TRIM41: variants seen among roughly 807,000 people sequenced by gnomAD.
The protein encoded by TRIM41 is tripartite motif containing 41.
TRIM41 carries 21 observed loss-of-function variants against 60.6 expected under a neutral mutation model. That is an observed-to-expected ratio of 0.35 (90% CI 0.25 to 0.50). TRIM41 has a LOEUF of 0.50. Ranked by LOEUF, TRIM41 falls within the 20% of genes least tolerant of loss-of-function variation. The pLI is 0.98. For synonymous variants in TRIM41, 407 were observed against 344.9 expected, an observed-to-expected ratio of 1.18 and a Z score of -2.00; for missense variants, 846 against 868.3, an observed-to-expected ratio of 0.97 and a Z score of 0.32.
chr5:181,235,403 G>C lies in TRIM41; in HGVS notation c.*628G>C. 1 of 1,614,190 alleles carries C rather than the reference G, an allele frequency of 6.2e-7. No individual in the cohort carries two copies. Among genetic ancestry groups the C allele is most frequent in the Non-Finnish European group, 8.5e-7 (1 of 1,180,024 alleles). On this transcript the variant is annotated 3_prime_UTR_variant, in exon 6 of 6. Coordinates refer to ENST00000315073, the MANE Select transcript of TRIM41 (RefSeq NM_033549.5). ...GAGAGAGATCTGGAATGGTCGCCAT[G>C]ATTGAAACCACGCACCATTACATCA...
In TRIM41 at chr5:181,235,376, T is replaced by TAG; in HGVS notation, c.*601_*602insAG. The TAG allele has an allele frequency of 6.2e-7, 1 of 1,614,216 alleles. No homozygotes were observed. The highest frequency in any genetic ancestry group is 2.2e-5 in the East Asian group (1 of 44,890). ...TAGACCGGCCAGAATTTAGCTTCAC[T>TAG]TGAGAGAGATCTGGAATGGTCGCCA... On this transcript the variant is annotated 3_prime_UTR_variant, in exon 6 of 6. Transcript: ENST00000315073.
rs1758419417 is a variant in TRIM41 at position 181,224,053 on chromosome 5, G to T, written c.54G>T (p.Ala18=). 2.5e-6 allele frequency: 4 copies of T among 1,614,116 alleles called. No homozygotes were observed. The highest frequency in any genetic ancestry group is 3.4e-6 in the Non-Finnish European group (4 of 1,180,056). The change falls in exon 1 of 6, where the codon GCG becomes GCT. Residue 18 remains alanine (A), a synonymous_variant. Transcript: ENST00000315073. ...CTGTGCAGACCCTTCAGGAGGAGGC[G>T]GTGTGCGCCATCTGCCTCGATTACT... is the stretch of plus-strand genomic sequence containing the variant. ...PNPVQTLQEE[A]VCAICLDYFT... is the part of the protein sequence containing the mutation.
At chr5:181,228,891 A>C (rs1433444829) in intron 1 of TRIM41, 1 of 142,404 alleles carries the variant, frequency 7.0e-6, no homozygotes, top group Non-Finnish European at 1.5e-5. Context: ...CCGAGATGGC[A>C]CTGCTGCACT....
Position 181,233,864 on chromosome 5 carries a change from G to A in TRIM41, c.1291+101G>A. The A allele has an allele frequency of 6.5e-7, 1 of 1,545,062 alleles. No homozygotes were observed. The highest frequency in any genetic ancestry group is 1.2e-5 in the South Asian group (1 of 84,700). On this transcript the variant is annotated intron_variant, in intron 5 of 5. Coordinates refer to ENST00000315073, the MANE Select transcript of TRIM41 (RefSeq NM_033549.5). The surrounding 1 kb of genome is among the most constrained non-coding windows in gnomAD (Gnocchi z 4.1). ...GCCCCAGGGAAACTGTGGGGCTTGAGATGGAGCAGGATCCAGGCAGCCACT... is the reference window on the plus strand; with the variant it reads ...GCCCCAGGGAAACTGTGGGGCTTGAAATGGAGCAGGATCCAGGCAGCCACT...
In TRIM41 at chr5:181,223,344, G is replaced by C. The variant is rs1333700490; in HGVS notation, c.-656G>C. ...GGCTGTGCCGGGAGGGTAGGATGGC[G>C]TCTGGCCGATGCGGTGATAGCACCG... On this transcript the variant is annotated 5_prime_UTR_variant, in exon 1 of 6. Coordinates refer to ENST00000315073, the MANE Select transcript of TRIM41 (RefSeq NM_033549.5). 1 of 399,648 alleles carries C rather than the reference G, an allele frequency of 2.5e-6. No homozygotes were observed. Among genetic ancestry groups the C allele is most frequent in the East Asian group, 3.6e-5 (1 of 28,102 alleles). The allele number at this position is 399,648 out of a possible 1,614,324, so 24.8% of individuals were successfully genotyped here.
chr5:181,231,227 A>G (rs1005078822), intron 2 of TRIM41: 1 of 259,772 alleles, frequency 3.8e-6, no homozygotes, highest in Admixed American at 4.6e-5. Flanking sequence ...TGAGGCGGAC[A>G]CTGTCCTGGG....
Position 181,234,780 on chromosome 5 carries a change from C to T in TRIM41, c.*5C>T, listed in dbSNP as rs747183653. The T allele has an allele frequency of 5.0e-6, 8 of 1,608,240 alleles. No individual in the cohort carries two copies. The highest frequency in any genetic ancestry group is 1.1e-5 in the South Asian group (1 of 90,736). On this transcript the variant is annotated 3_prime_UTR_variant, in exon 6 of 6. Coordinates refer to ENST00000315073, the MANE Select transcript of TRIM41 (RefSeq NM_033549.5). The surrounding 1 kb of genome is among the most constrained non-coding windows in gnomAD (Gnocchi z 5.6). The stretch of plus-strand genomic sequence containing the variant: ...CGCATCAAGCTCTGCCCTTGATTAT[C>T]CTGCCACCCGCAGGGGCCCCTCTGT...
At chr5:181,228,161 G>T (rs1278147831) in intron 1 of TRIM41, 2 of 149,446 alleles carry the variant, frequency 1.3e-5, no homozygotes, top group African/African-American at 2.5e-5. Flanking sequence ...TGAACCCGGG[G>T]GCGGTGGAGC....
Position 181,234,460 on chromosome 5 carries a change from C to G in TRIM41, c.1578C>G (p.Ser526Arg), listed in dbSNP as rs1230273557. ...CCTCCGTGGGCAGCGGGGATGCCAG[C>G]TCCTCGCGCCATCACCATCGCCGCC... is the stretch of plus-strand genomic sequence containing the variant. ...GGSSVGSGDA[S>R]SSRHHHRRRR... Residue 526 changes from serine (S) to arginine (R), a missense_variant, in exon 6 of 6, where the codon AGC becomes AGG. By Grantham distance (110) the Ser-to-Arg change is moderately radical (BLOSUM62 -1). Transcript: ENST00000315073. The surrounding 1 kb of genome is among the most constrained non-coding windows in gnomAD (Gnocchi z 5.6). The G allele has an allele frequency of 3.7e-6, 6 of 1,612,450 alleles. No individual in the cohort carries two copies. The highest frequency in any genetic ancestry group is 5.1e-6 in the Non-Finnish European group (6 of 1,179,266).
In TRIM41 at chr5:181,235,491, C is replaced by A; in HGVS notation, c.*716C>A. On this transcript the variant is annotated 3_prime_UTR_variant, in exon 6 of 6. Transcript: ENST00000315073. The stretch of plus-strand genomic sequence containing the variant: ...CCCCTTCCCTTTTCCAGCACTCAAC[C>A]AAGGAGCAAAGCTCATCCCACCCCA... 6.6e-7 allele frequency: 1 copy of A among 1,519,534 alleles called. No individual in the cohort carries two copies. The highest frequency in any genetic ancestry group is 8.9e-7 in the Non-Finnish European group (1 of 1,117,436). The allele number at this position is 1,519,534 out of a possible 1,614,324, so 94.1% of individuals were successfully genotyped here.
chr5:181,230,543 G>A (rs929427397), intron 1 of TRIM41: 1 of 309,158 alleles, frequency 3.2e-6, no homozygotes, highest in African/African-American at 2.3e-5. Context: ...CAGGGCTTCT[G>A]CAGACGTGCA....
chr5:181,223,976 T>C lies in TRIM41; in HGVS notation c.-24T>C. 1 of 1,498,006 alleles carries C rather than the reference T, an allele frequency of 6.7e-7. No homozygotes were observed. The highest frequency in any genetic ancestry group is 9.3e-7 in the Non-Finnish European group (1 of 1,079,868). The allele number at this position is 1,498,006 out of a possible 1,614,324, so 92.8% of individuals were successfully genotyped here. On this transcript the variant is annotated 5_prime_UTR_variant, in exon 1 of 6. Coordinates refer to ENST00000315073, the MANE Select transcript of TRIM41 (RefSeq NM_033549.5). ...GCCCCTCGCCCCCCCACCGAACCTC[T>C]ACACTGGCTGGCTGGACACTAAGAT...
In TRIM41 at chr5:181,232,822, C is replaced by T; in HGVS notation, c.1073C>T (p.Ala358Val). Residue 358 changes from alanine to valine, a missense_variant, in exon 3 of 6, where the codon GCC becomes GTC. Coordinates refer to ENST00000315073, the MANE Select transcript of TRIM41 (RefSeq NM_033549.5). ...GCTAGTCGCCTTGCAGAACAGGCCG[C>T]CCAGCTCAGCCGCCTGCTGGCAGAG... is the stretch of plus-strand genomic sequence containing the variant. ...AAASRLAEQA[A>V]QLSRLLAEAQ... The T allele has an allele frequency of 6.3e-7, 1 of 1,575,610 alleles. No individual in the cohort carries two copies. Among genetic ancestry groups the T allele is most frequent in the Non-Finnish European group, 8.6e-7 (1 of 1,162,594 alleles).
intron 1 of TRIM41, chr5:181,225,949 C>T (rs1249576677): frequency 6.6e-6 from 1 of 152,176 alleles, no homozygotes. Flanking sequence ...TGTTTTCAGA[C>T]CTTCTCCTGA....
In TRIM41 at chr5:181,223,972, C is replaced by G; in HGVS notation, c.-28C>G. Reference sequence around the variant, plus strand: ...CCCCGCCCCTCGCCCCCCCACCGAACCTCTACACTGGCTGGCTGGACACTA... The same window carrying G: ...CCCCGCCCCTCGCCCCCCCACCGAAGCTCTACACTGGCTGGCTGGACACTA... On this transcript the variant is annotated 5_prime_UTR_variant, in exon 1 of 6. Coordinates refer to ENST00000315073, the MANE Select transcript of TRIM41 (RefSeq NM_033549.5). 1 of 1,567,432 alleles carries G rather than the reference C, an allele frequency of 6.4e-7. No individual in the cohort carries two copies. The highest frequency in any genetic ancestry group is 8.7e-7 in the Non-Finnish European group (1 of 1,155,244).
At position 181,224,740 on chromosome 5, in the gene TRIM41, G is replaced by T. The variant is rs746397997; in HGVS notation, c.741G>T (p.Val247=). The T allele has an allele frequency of 6.2e-7, 1 of 1,614,214 alleles. No individual in the cohort carries two copies. Among genetic ancestry groups the T allele is most frequent in the East Asian group, 2.2e-5 (1 of 44,888 alleles). The change falls in exon 1 of 6, where the codon GTG becomes GTT. Residue 247 remains valine, a synonymous_variant. Coordinates refer to ENST00000315073, the MANE Select transcript of TRIM41 (RefSeq NM_033549.5). The stretch of plus-strand genomic sequence containing the variant: ...AGGTAGACGAAGAGGCCATCTGTGT[G>T]GTGTGCCGAGAATCCAGGAGCCACA... ...FCEVDEEAIC[V]VCRESRSHKQ... is the part of the protein sequence containing the mutation.
chr5:181,234,810 A>T lies in TRIM41; in HGVS notation c.*35A>T. 1.9e-6 allele frequency: 3 copies of T among 1,606,288 alleles called. No homozygotes were observed. Among genetic ancestry groups the T allele is most frequent in the Non-Finnish European group, 2.6e-6 (3 of 1,175,930 alleles). ...CACCCGCAGGGGCCCCTCTGTCAGCACTTGGGGGGTGGGTGGTGGAGGGTG... is the reference window on the plus strand; with the variant it reads ...CACCCGCAGGGGCCCCTCTGTCAGCTCTTGGGGGGTGGGTGGTGGAGGGTG... On this transcript the variant is annotated 3_prime_UTR_variant, in exon 6 of 6. Coordinates refer to ENST00000315073, the MANE Select transcript of TRIM41 (RefSeq NM_033549.5). This position sits in a 1 kb window ranked among gnomAD's most constrained non-coding sequence, Gnocchi z 5.6.
chr5:181,232,379 G>A lies in TRIM41; in HGVS notation c.910-280G>A, dbSNP rs868717582. The A allele has an allele frequency of 3.8e-4, 163 of 429,216 alleles. 1 individual carries two copies. Among genetic ancestry groups the A allele is most frequent in the African/African-American group, 3.0e-3 (145 of 48,398 alleles). 26.6% of individuals were successfully genotyped at this position (429,216 alleles called of 1,614,324 possible). A position where few individuals can be genotyped will look rare whatever the true frequency, so the allele number is the denominator to read the frequency against. On this transcript the variant is annotated intron_variant, in intron 2 of 5. Coordinates refer to ENST00000315073, the MANE Select transcript of TRIM41 (RefSeq NM_033549.5). ...CTGGAGAGGAGGGAAGGCTTGTCTT[G>A]GAATATTTAAGGTTGGACCTGAAGG...
rs774154689 is a variant in TRIM41 at position 181,233,061 on chromosome 5, G to C, written c.1140+172G>C. 3.9e-5 allele frequency: 30 copies of C among 768,618 alleles called. No homozygotes were observed. Among genetic ancestry groups the C allele is most frequent in the Admixed American group, 8.0e-5 (4 of 50,054 alleles). The allele number at this position is 768,618 out of a possible 1,614,324, so 47.6% of individuals were successfully genotyped here. On this transcript the variant is annotated intron_variant, in intron 3 of 5. Coordinates refer to ENST00000315073, the MANE Select transcript of TRIM41 (RefSeq NM_033549.5). The surrounding 1 kb of genome is among the most constrained non-coding windows in gnomAD (Gnocchi z 4.1). ...TGGAAACAGAGTTAATGTCGAATGT[G>C]GTATGTGTGGCGATTATACCCAGTG... is the stretch of plus-strand genomic sequence containing the variant.
Sources: allele counts gnomAD v4.1 joint callset, GRCh38; gene constraint gnomAD v4.1.1; non-coding constraint Gnocchi (gnomAD v3.1); transcripts MANE v1.5; gene names NCBI Gene and HGNC (gene_info 2026-07-23, HGNC 2026-07-21).